The following SNTG1 variants were observed in gnomAD, a reference collection of about 807,000 sequenced individuals.
SNTG1 encodes gamma-1-syntrophin.
SNTG1 carries 39 observed loss-of-function variants against 74.7 expected under a neutral mutation model. The observed-to-expected ratio is 0.52, with a 90% CI of 0.40 to 0.68. The LOEUF is 0.68. SNTG1 is among the 30% of genes least tolerant of loss of function. SNTG1 has a pLI of 0.00. For synonymous variants in SNTG1, 254 were observed against 217.1 expected (o/e 1.17, Z -1.49); for missense variants, 685 against 609.5 (o/e 1.12, Z -1.30).
chr8:50,000,729 A>G (rs1365902543), intron 1 of SNTG1, among the ~76,000 whole-genome samples: 1 of 152,180 alleles, frequency 6.6e-6, no homozygotes. Context: ...GTGCTTTACA[A>G]ATGTAGTCAA....
At chr8:50,446,498 G>A (rs1001929407) in intron 5 of SNTG1, among the ~76,000 whole-genome samples, 3 of 151,820 alleles carry the variant, frequency 2.0e-5, no homozygotes, top group African/African-American at 7.3e-5. Context: ...TGGCCAACGT[G>A]TTGAAATCCC....
chr8:49,956,907 T>C (rs1158466860), intron 1 of SNTG1, among the ~76,000 whole-genome samples: 1 of 152,146 alleles, frequency 6.6e-6, no homozygotes, highest in Non-Finnish European at 1.5e-5. Context: ...CAGCCAGATA[T>C]AGAAAGACAA....
At chr8:50,728,750 AGTG>A (rs1380717321) in intron 17 of SNTG1, among the ~76,000 whole-genome samples, 2 of 152,228 alleles carry the variant, frequency 1.3e-5, no homozygotes, top group South Asian at 4.1e-4. Context: ...AAGTATTAGG[AGTG>A]CTCATTGTTT....
chr8:50,444,363 A>G (rs1213038452), intron 5 of SNTG1, among the ~76,000 whole-genome samples: 3 of 152,076 alleles, frequency 2.0e-5, no homozygotes, highest in Non-Finnish European at 4.4e-5. Flanking sequence ...GCTTGCATAC[A>G]TTTTTCTGCA....
At chr8:50,629,628 G>T (rs772330595) in intron 13 of SNTG1, among the ~76,000 whole-genome samples, 1 of 151,984 alleles carries the variant, frequency 6.6e-6, no homozygotes, top group Non-Finnish European at 1.5e-5. Flanking sequence ...TTTAGAACCT[G>T]AGTGGTCAAA....
At chr8:50,645,399 A>T (rs1314354876) in intron 13 of SNTG1, among the ~76,000 whole-genome samples, 1 of 152,066 alleles carries the variant, frequency 6.6e-6, no homozygotes, top group Non-Finnish European at 1.5e-5. Flanking sequence ...ATTAAGCATG[A>T]TAGTTTTAAA....
At chr8:50,598,212 A>G (rs956400266) in intron 13 of SNTG1, among the ~76,000 whole-genome samples, 1 of 151,868 alleles carries the variant, frequency 6.6e-6, no homozygotes, top group Non-Finnish European at 1.5e-5. Flanking sequence ...GGTCTTACTT[A>G]AAGTTCAAGT....
chr8:50,164,868 T>C (rs1008110761), intron 1 of SNTG1, among the ~76,000 whole-genome samples: 2 of 152,316 alleles, frequency 1.3e-5, no homozygotes, highest in East Asian at 1.9e-4. Context: ...CATCAGAAGA[T>C]AAAGTTCATT....
At chr8:49,993,382 C>G (rs1034160293) in intron 1 of SNTG1, among the ~76,000 whole-genome samples, 6 of 132,194 alleles carry the variant, frequency 4.5e-5, no homozygotes, top group Non-Finnish European at 8.1e-5. Context: ...TTTTTTTTGT[C>G]GTCGTTGTTG....
At position 50,696,097 on chromosome 8, in the gene SNTG1, A is replaced by G. The variant is rs556473955; in HGVS notation, c.1039-8503A>G. On this transcript the variant is annotated intron_variant, in intron 15 of 18. Transcript: ENST00000642720. ...ACATTTCCACCAACAGTGTATAAGC[A>G]TTTCCTTTTCTCTATATCTTCACCA... Among the ~76,000 whole-genome samples, 4 of 152,054 alleles carry G rather than the reference A, an allele frequency of 2.6e-5. No homozygotes were observed. In the South Asian group the frequency reaches 6.2e-4, roughly 24 times the overall value.
chr8:50,697,827 T>G (rs1478539118), intron 15 of SNTG1, among the ~76,000 whole-genome samples: 2 of 152,184 alleles, frequency 1.3e-5, no homozygotes, highest in South Asian at 2.1e-4. Context: ...GTGTTGGATT[T>G]AGTTTGTTGA....
chr8:50,315,850 G>C (rs2090296992), intron 2 of SNTG1, among the ~76,000 whole-genome samples: 1 of 152,134 alleles, frequency 6.6e-6, no homozygotes, highest in Non-Finnish European at 1.5e-5. Flanking sequence ...GATGTGAGCT[G>C]AAAGTGTGCT....
At chr8:50,167,958 A>G (rs1420556911) in intron 1 of SNTG1, among the ~76,000 whole-genome samples, 1 of 152,106 alleles carries the variant, frequency 6.6e-6, no homozygotes, top group Non-Finnish European at 1.5e-5. Flanking sequence ...ATTACCTTAG[A>G]TAAGTATTAT....
chr8:50,502,749 G>A lies in SNTG1; in HGVS notation c.364-29G>A. On this transcript the variant is annotated intron_variant, in intron 8 of 18. Coordinates refer to ENST00000642720, the MANE Select transcript of SNTG1 (RefSeq NM_018967.5). ...CATATAACATGATAAATGTAATGAT[G>A]ATTGTATTCTTTTTATTCTTTTTTT... is the stretch of plus-strand genomic sequence containing the variant. The A allele has an allele frequency of 1.3e-6, 2 of 1,555,318 alleles. 1 individual carries two copies. The highest frequency in any genetic ancestry group is 2.7e-5 in the African/African-American group (2 of 73,698).
At chr8:50,036,540 G>C (rs982360202) in intron 1 of SNTG1, among the ~76,000 whole-genome samples, 1 of 152,106 alleles carries the variant, frequency 6.6e-6, no homozygotes, top group Non-Finnish European at 1.5e-5. Context: ...CATCCCAGCT[G>C]TTTTCTTGTT....
intron 1 of SNTG1, among the ~76,000 whole-genome samples, chr8:49,917,841 C>T (rs920985820): frequency 6.6e-6 from 1 of 152,170 alleles, no homozygotes; most frequent in African/African-American, 2.4e-5. Flanking sequence ...GTGAGATCTG[C>T]ATCACACTGC....
At chr8:50,091,116 A>C (rs915161546) in intron 1 of SNTG1, among the ~76,000 whole-genome samples, 6 of 152,046 alleles carry the variant, frequency 3.9e-5, no homozygotes, top group Admixed American at 6.6e-5. Flanking sequence ...ATAAAAATAT[A>C]TTTTTTCTTA....
intron 1 of SNTG1, among the ~76,000 whole-genome samples, chr8:50,128,532 A>G (rs2081216610): frequency 6.6e-6 from 1 of 152,144 alleles, no homozygotes; most frequent in African/African-American, 2.4e-5. Flanking sequence ...TCCTACACAC[A>G]TGTCCAGATA....
chr8:50,207,858 C>A (rs921142874), intron 2 of SNTG1, among the ~76,000 whole-genome samples: 9 of 152,164 alleles, frequency 5.9e-5, no homozygotes, highest in African/African-American at 2.2e-4. Context: ...TATTCAGTTT[C>A]CATGTAGTTG....
Sources: gnomAD v4.1 joint callset for allele counts (sites outside exome capture counted in the v4.1 genomes callset) on GRCh38, gnomAD v4.1.1 for gene constraint, MANE v1.5 for transcripts, NCBI Gene and HGNC (gene_info 2026-07-23, HGNC 2026-07-21) for gene names.